Variants in SDCBP observed in about 807,000 individuals in gnomAD.
The protein encoded by SDCBP is syndecan binding protein, also known as syntenin-1.
A neutral mutation model predicts 30.5 loss-of-function variants in SDCBP; 22 were observed. The ratio of observed to expected loss-of-function variants is 0.72; its 90% CI spans 0.52 to 1.03. The LOEUF is 1.03. Ranked by LOEUF, SDCBP falls within the 50% of genes least tolerant of loss-of-function variation. The probability of loss-of-function intolerance (pLI) is 0.00; values close to 1 mark genes in which losing one functional copy is unlikely to be tolerated. For missense variants in SDCBP, 304 were observed against 369.9 expected (o/e 0.82, Z 1.46); for synonymous variants, 103 against 118.7 (o/e 0.87, Z 0.86).
In SDCBP at chr8:58,561,857, A is replaced by G. The variant is rs1804458615; in HGVS notation, c.-15-3162A>G. ...GACAAAAGTTTAAGTGCCTGTAACT[A>G]TAAAAATATTAATAGATGCACAACA... On this transcript the variant is annotated intron_variant, in intron 1 of 8. Transcript: ENST00000260130. 17 of 639,488 alleles carry G rather than the reference A, an allele frequency of 2.7e-5. No individual in the cohort carries two copies. The South Asian group carries it at 3.0e-4, about 11-fold the overall frequency. The allele number at this position is 639,488 out of a possible 1,614,324, so 39.6% of individuals were successfully genotyped here. A position where few individuals can be genotyped will look rare whatever the true frequency, so the allele number is the denominator to read the frequency against.
chr8:58,553,570 G>GCTGGGT (rs1429190473), intron 1 of SDCBP, among the ~76,000 whole-genome samples: 1 of 150,642 alleles, frequency 6.6e-6, no homozygotes, highest in Admixed American at 6.6e-5. Context: ...TGGGGCTGGG[G>GCTGGGT]CTGGGGCTGG....
In SDCBP at chr8:58,580,523, C is replaced by G; in HGVS notation, c.757C>G (p.Gln253Glu). 1 of 1,551,620 alleles carries G rather than the reference C, an allele frequency of 6.4e-7. No homozygotes were observed. Residue 253 changes from glutamine (Q) to glutamate (E), a missense_variant, in exon 8 of 9, where the codon CAA becomes GAA. Transcript: ENST00000260130. ...GQNVIGLKDS[Q>E]IADILSTSGT... ...TAATATGTGTTTTTATCAGGACTCT[C>G]AAATTGCAGACATACTGTCAACATC... is the stretch of plus-strand genomic sequence containing the variant.
intron 2 of SDCBP, among the ~76,000 whole-genome samples, chr8:58,568,541 TTTA>T (rs1413481045): frequency 9.8e-5 from 15 of 152,306 alleles, no homozygotes; most frequent in Admixed American, 5.2e-4. Context: ...AACATAGTCA[TTTA>T]TTATTATCAA....
At chr8:58,579,908 G>T in intron 7 of SDCBP, 114 bp downstream of exon 7, 2 of 989,580 alleles carry the variant, frequency 2.0e-6, no homozygotes, top group Non-Finnish European at 2.9e-6. Flanking sequence ...TGGGGAACGT[G>T]GGGCCTGAAC....
chr8:58,576,438 C>T (rs565975869), intron 5 of SDCBP: 63 of 151,178 alleles, frequency 4.2e-4, no homozygotes, highest in South Asian at 6.4e-4. Flanking sequence ...TTTTTTGAGA[C>T]GGAGTCTCGT....
intron 5 of SDCBP, chr8:58,576,266 T>C (rs543572282): frequency 2.1e-6 from 1 of 484,216 alleles, no homozygotes; most frequent in African/African-American, 1.9e-5. Context: ...CACATTACTT[T>C]GAAAGATGTT....
At position 58,561,430 on chromosome 8, in the gene SDCBP, T is replaced by C. The variant is rs145540504; in HGVS notation, c.-15-3589T>C. 3.9e-3 allele frequency: 759 copies of C among 193,398 alleles called. 10 individuals carry two copies. The highest frequency in any genetic ancestry group is 0.017 in the African/African-American group (722 of 43,006). 12.0% of individuals were successfully genotyped at this position (193,398 alleles called of 1,614,324 possible). A position where few individuals can be genotyped will look rare whatever the true frequency, so the allele number is the denominator to read the frequency against. On this transcript the variant is annotated intron_variant, in intron 1 of 8. Coordinates refer to ENST00000260130, the MANE Select transcript of SDCBP (RefSeq NM_005625.4). Reference sequence around the variant, plus strand: ...AAGACATCTACATGGAAACACACTGTAATCAAATTGTCAAAGAATTTTGAA... The same window carrying C: ...AAGACATCTACATGGAAACACACTGCAATCAAATTGTCAAAGAATTTTGAA...
At chr8:58,556,018 G>A (rs1011513878) in intron 1 of SDCBP, among the ~76,000 whole-genome samples, 1 of 152,084 alleles carries the variant, frequency 6.6e-6, no homozygotes, top group Non-Finnish European at 1.5e-5. Context: ...TCCTGGTTTT[G>A]AAGATATCAG....
At chr8:58,565,495 A>G (rs1177015864) in intron 2 of SDCBP, among the ~76,000 whole-genome samples, 1 of 152,142 alleles carries the variant, frequency 6.6e-6, no homozygotes, top group Non-Finnish European at 1.5e-5. Flanking sequence ...TTACAGAAAT[A>G]GTGGCGTACA....
Position 58,575,919 on chromosome 8 carries a change from C to G in SDCBP, c.260C>G (p.Ser87Cys). 3 of 1,612,072 alleles carry G rather than the reference C, an allele frequency of 1.9e-6. No homozygotes were observed. Among genetic ancestry groups the G allele is most frequent in the South Asian group, 1.1e-5 (1 of 90,868 alleles). ...PLQGQLVARP[S>C]SINYMVAPVT... is the part of the protein sequence containing the mutation. ...TGTCAGCAGTTGGTAGCAAGACCTT[C>G]CAGTATAAACTATATGGTGGCTCCT... The change falls in exon 5 of 9, where the codon TCC (serine) becomes TGC (cysteine). Residue 87 changes from serine (S) to cysteine (C), a missense_variant. By Grantham distance (112) the Ser-to-Cys change is moderately radical. Transcript: ENST00000260130.
intron 2 of SDCBP, among the ~76,000 whole-genome samples, chr8:58,566,896 C>A (rs929338304): frequency 6.6e-6 from 1 of 152,202 alleles, no homozygotes; most frequent in Non-Finnish European, 1.5e-5. Context: ...TAGCATCATA[C>A]AGTCCCTAGA....
chr8:58,573,346 C>T (rs193165289), intron 4 of SDCBP, among the ~76,000 whole-genome samples: 36 of 152,166 alleles, frequency 2.4e-4, no homozygotes, highest in Admixed American at 2.2e-3. Context: ...TGAAAACTTG[C>T]TTGTGTTAGT....
chr8:58,558,331 G>C (rs1471595544), intron 1 of SDCBP, among the ~76,000 whole-genome samples: 1 of 152,172 alleles, frequency 6.6e-6, no homozygotes, highest in Non-Finnish European at 1.5e-5. Flanking sequence ...ACCCAGGTTA[G>C]AATGTGGTGG....
At chr8:58,577,924 T>C in intron 5 of SDCBP, 109 bp from the exon 6 acceptor site, 1 of 796,172 alleles carries the variant, frequency 1.3e-6, no homozygotes, top group Non-Finnish European at 2.0e-6. Flanking sequence ...CTTTCTTTTT[T>C]GTCACTGGGG....
chr8:58,559,283 A>C (rs1377720600), intron 1 of SDCBP, among the ~76,000 whole-genome samples: 1 of 152,188 alleles, frequency 6.6e-6, no homozygotes, highest in Non-Finnish European at 1.5e-5. Flanking sequence ...AGAAATCAAA[A>C]ATAGAAATAA....
intron 2 of SDCBP, 156 bp from the exon 3 acceptor site, chr8:58,570,731 G>T: frequency 1.8e-6 from 1 of 554,574 alleles, no homozygotes; most frequent in South Asian, 2.8e-5. Flanking sequence ...ATTTCCTTTG[G>T]AAAATGTATT....
chr8:58,555,475 G>C (rs184783450), intron 1 of SDCBP, among the ~76,000 whole-genome samples: 42 of 152,188 alleles, frequency 2.8e-4, no homozygotes, highest in African/African-American at 9.6e-4. Flanking sequence ...ACTTCATATG[G>C]ACATACTTCT....
intron 3 of SDCBP, among the ~76,000 whole-genome samples, chr8:58,571,961 T>G (rs1805052606): frequency 6.6e-6 from 1 of 152,224 alleles, no homozygotes; most frequent in Non-Finnish European, 1.5e-5. Context: ...TTTTGAGTGT[T>G]TAGGAATCTC....
intron 4 of SDCBP, among the ~76,000 whole-genome samples, chr8:58,572,671 C>G (rs1805091798): frequency 6.6e-6 from 1 of 152,062 alleles, no homozygotes; most frequent in Non-Finnish European, 1.5e-5. Flanking sequence ...TTCTATACTT[C>G]TAGCCTTCAT....
Sources: gnomAD v4.1 joint callset for allele counts (sites outside exome capture counted in the v4.1 genomes callset) on GRCh38, gnomAD v4.1.1 for gene constraint, MANE v1.5 for transcripts, NCBI Gene and HGNC (gene_info 2026-07-23, HGNC 2026-07-21) for gene names.